PRKN: variants seen among roughly 807,000 people sequenced by gnomAD.
PRKN encodes the protein parkin RBR E3 ubiquitin protein ligase.
In PRKN, 56 loss-of-function variants were observed where a neutral mutation model predicts 59.5. The ratio of observed to expected loss-of-function variants is 0.94; its 90% CI spans 0.76 to 1.18. The LOEUF (loss-of-function observed/expected upper bound fraction) is 1.18, where lower values mean the gene tolerates loss of function less well. Ranked by LOEUF, PRKN falls within the 50% of genes most tolerant of loss-of-function variation. PRKN has a pLI of 0.00. For synonymous variants in PRKN, 250 were observed against 222.1 expected (o/e 1.13, Z -1.12); for missense variants, 657 against 596.4 (o/e 1.10, Z -1.06).
At chr6:162,651,904 C>A (rs1396883134) in intron 1 of PRKN, among the ~76,000 whole-genome samples, 9 of 152,262 alleles carry the variant, frequency 5.9e-5, no homozygotes, top group African/African-American at 2.2e-4. Flanking sequence ...ACTTTTGCAT[C>A]TTTATCCCTA....
chr6:162,275,494 T>G, intron 2 of PRKN: 1 of 152,072 alleles, frequency 6.6e-6, no homozygotes, highest in East Asian at 1.9e-4. Flanking sequence ...TATTAAAAAA[T>G]TATAGAAAAG....
intron 9 of PRKN, among the ~76,000 whole-genome samples, chr6:161,514,927 C>T (rs539314724): frequency 6.6e-6 from 1 of 152,210 alleles, no homozygotes; most frequent in Non-Finnish European, 1.5e-5. Flanking sequence ...CAAGGGTGTC[C>T]CCTGGTCTCA....
chr6:161,705,942 C>A (rs920352553), intron 7 of PRKN, among the ~76,000 whole-genome samples: 1 of 152,070 alleles, frequency 6.6e-6, no homozygotes. Flanking sequence ...TGGCTCTTCA[C>A]TGACCACCAC....
rs1263694967 is a variant in PRKN at position 161,402,278 on chromosome 6, T to C, written c.1084-15401A>G. 6.6e-6 allele frequency among the ~76,000 whole-genome samples: 1 copy of C among 152,172 alleles called. No individual in the cohort carries two copies. The highest frequency in any genetic ancestry group is 6.5e-5 in the Admixed American group (1 of 15,282). ...TGCAGTGTCTTATGAAATTATAAAA[T>C]AAAACCCAGACTTATAAGACTCTTC... On this transcript the variant is annotated intron_variant, in intron 9 of 11. Coordinates refer to ENST00000366898, the MANE Select transcript of PRKN (RefSeq NM_004562.3). This position sits in a 1 kb window ranked among gnomAD's most constrained non-coding sequence, Gnocchi z 4.5.
intron 9 of PRKN, among the ~76,000 whole-genome samples, chr6:161,392,524 TC>T (rs1786558442): frequency 3.3e-5 from 5 of 151,884 alleles, no homozygotes; most frequent in Non-Finnish European, 7.4e-5. Flanking sequence ...TCTCTCTCTC[TC>T]TCTCTCGCTA....
chr6:162,285,680 A>C (rs78941778), intron 2 of PRKN, among the ~76,000 whole-genome samples: 6,786 of 152,256 alleles, frequency 0.045, 214 homozygotes, highest in Middle Eastern at 0.16. Context: ...ATTGTAGCAG[A>C]GACAGCTGGC....
intron 2 of PRKN, among the ~76,000 whole-genome samples, chr6:162,292,238 A>T (rs1781466130): frequency 6.6e-6 from 1 of 152,136 alleles, no homozygotes; most frequent in Non-Finnish European, 1.5e-5. Flanking sequence ...TGCTGGGATT[A>T]CAGGTGTGAG....
intron 1 of PRKN, chr6:162,694,590 C>T (rs1306681152): frequency 6.6e-6 from 1 of 152,184 alleles, no homozygotes; most frequent in African/African-American, 2.4e-5. Flanking sequence ...AGAATTCAGT[C>T]ACCTGTGACT....
At chr6:161,876,700 A>G (rs1355594231) in intron 6 of PRKN, among the ~76,000 whole-genome samples, 4 of 152,108 alleles carry the variant, frequency 2.6e-5, no homozygotes, top group East Asian at 1.9e-4. Flanking sequence ...TTCAACATGT[A>G]TGTGATTTTG....
chr6:162,466,816 C>A (rs1271522868), intron 1 of PRKN, among the ~76,000 whole-genome samples: 2 of 151,540 alleles, frequency 1.3e-5, no homozygotes, highest in Admixed American at 1.3e-4. Context: ...TTAATCACTA[C>A]CCATTTATTA....
intron 10 of PRKN, among the ~76,000 whole-genome samples, chr6:161,381,571 A>G (rs1378446870): frequency 6.6e-6 from 1 of 152,230 alleles, no homozygotes; most frequent in Non-Finnish European, 1.5e-5. Context: ...AGGCAGATGG[A>G]AGGAACTGAG....
At chr6:162,528,076 C>CAGGG (rs1778360636) in intron 1 of PRKN, among the ~76,000 whole-genome samples, 2 of 22,066 alleles carry the variant, frequency 9.1e-5, no homozygotes, top group South Asian at 1.8e-3. Context: ...GGCGGGGGGG[C>CAGGG]GGGAGGGGTG....
intron 2 of PRKN, among the ~76,000 whole-genome samples, chr6:162,391,838 T>C (rs1049423126): frequency 6.6e-6 from 1 of 152,148 alleles, no homozygotes; most frequent in African/African-American, 2.4e-5. Context: ...AAATCTTAGG[T>C]TAGTGCTAAC....
intron 7 of PRKN, among the ~76,000 whole-genome samples, chr6:161,785,507 A>C (rs967126283): frequency 6.6e-6 from 1 of 152,122 alleles, no homozygotes. Flanking sequence ...CCACAGAAAA[A>C]CTTAGTATAC....
rs1282642035 is a variant in PRKN at position 162,056,408 on chromosome 6, A to C, written c.535-2234T>G. Among the ~76,000 whole-genome samples the C allele has an allele frequency of 2.0e-5, 3 of 152,098 alleles. No individual in the cohort carries two copies. Among genetic ancestry groups the C allele is most frequent in the Admixed American group, 6.5e-5 (1 of 15,270 alleles). On this transcript the variant is annotated intron_variant, in intron 4 of 11. Coordinates refer to ENST00000366898, the MANE Select transcript of PRKN (RefSeq NM_004562.3). The surrounding 1 kb of genome is among the most constrained non-coding windows in gnomAD (Gnocchi z 4.9). ...ATGCACACACGCACTATTCTAGAGA[A>C]AAGTCGGGGACGCAGAGCAGTTCTC...
intron 1 of PRKN, among the ~76,000 whole-genome samples, chr6:162,480,180 A>T (rs540141876): frequency 1.3e-5 from 2 of 152,288 alleles, no homozygotes; most frequent in East Asian, 3.9e-4. Flanking sequence ...ACTTTTACAC[A>T]ATTGGTATCG....
At chr6:162,120,423 A>G (rs1414001744) in intron 4 of PRKN, among the ~76,000 whole-genome samples, 2 of 152,158 alleles carry the variant, frequency 1.3e-5, no homozygotes, top group African/African-American at 4.8e-5. Context: ...TATTGCAAGG[A>G]CTTTCACCTA....
chr6:162,103,713 G>A (rs1480932396), intron 4 of PRKN, among the ~76,000 whole-genome samples: 1 of 152,166 alleles, frequency 6.6e-6, no homozygotes, highest in African/African-American at 2.4e-5. Context: ...CGCCAGGGCA[G>A]TGGGCCTTCT....
intron 4 of PRKN, among the ~76,000 whole-genome samples, chr6:162,183,751 C>T (rs1290035054): frequency 1.3e-5 from 2 of 152,166 alleles, no homozygotes; most frequent in African/African-American, 2.4e-5. Context: ...AGCCATAAAA[C>T]TTTACTAACA....
Sources: allele counts gnomAD v4.1 joint callset (sites outside exome capture counted in the v4.1 genomes callset), GRCh38; gene constraint gnomAD v4.1.1; non-coding constraint Gnocchi (gnomAD v3.1); transcripts MANE v1.5; gene names NCBI Gene and HGNC (gene_info 2026-07-23, HGNC 2026-07-21).